NSG1: variants seen among roughly 807,000 people sequenced by gnomAD.
The protein encoded by NSG1 is neuronal vesicle trafficking-associated protein 1.
NSG1 carries 9 observed loss-of-function variants against 19.3 expected under a neutral mutation model. That is an observed-to-expected ratio of 0.47 (90% CI 0.28 to 0.81). The LOEUF (loss-of-function observed/expected upper bound fraction) is 0.81, where lower values mean the gene tolerates loss of function less well. Among genes scored for constraint, NSG1 ranks in the 40% least tolerant of loss-of-function variants. NSG1 has a pLI of 0.11. For synonymous variants in NSG1, 104 were observed against 107.0 expected (o/e 0.97, Z 0.17); for missense variants, 236 against 242.4 (o/e 0.97, Z 0.18).
intron 2 of NSG1, among the ~76,000 whole-genome samples, chr4:4,390,566 AAG>A (rs1434688369): frequency 6.6e-6 from 1 of 152,186 alleles, no homozygotes; most frequent in Admixed American, 6.5e-5. Context: ...TCGGGGGAGA[AAG>A]AGCTTGGAGG....
At chr4:4,411,613 G>C (rs768514174) in intron 4 of NSG1, among the ~76,000 whole-genome samples, 1 of 152,108 alleles carries the variant, frequency 6.6e-6, no homozygotes, top group African/African-American at 2.4e-5. Flanking sequence ...GCATGGTGGC[G>C]GGTGCCTGTA....
chr4:4,398,069 C>G (rs977940706), intron 3 of NSG1, among the ~76,000 whole-genome samples: 4 of 152,182 alleles, frequency 2.6e-5, no homozygotes, highest in Non-Finnish European at 5.9e-5. Flanking sequence ...ATTCTCCTGC[C>G]TCAGCCTCCT....
At chr4:4,394,056 T>C (rs991386404) in intron 3 of NSG1, among the ~76,000 whole-genome samples, 1 of 152,182 alleles carries the variant, frequency 6.6e-6, no homozygotes, top group African/African-American at 2.4e-5. Flanking sequence ...TTAATCTTCA[T>C]AAACACCTCA....
chr4:4,409,325 T>G (rs561974408), intron 3 of NSG1, among the ~76,000 whole-genome samples: 2 of 152,384 alleles, frequency 1.3e-5, no homozygotes, highest in South Asian at 2.1e-4. Flanking sequence ...ATGCAGGACC[T>G]TGGGTACTAA....
intron 3 of NSG1, among the ~76,000 whole-genome samples, chr4:4,407,612 G>A (rs1723937040): frequency 6.6e-6 from 1 of 152,176 alleles, no homozygotes; most frequent in Non-Finnish European, 1.5e-5. Flanking sequence ...CCTGTGGCCA[G>A]GGCTCCCTGC....
In NSG1 at chr4:4,417,831, T is replaced by C. The variant is rs990929988; in HGVS notation, c.*396T>C. 9 of 299,440 alleles carry C rather than the reference T, an allele frequency of 3.0e-5. No individual in the cohort carries two copies. The highest frequency in any genetic ancestry group is 5.1e-5 in the Non-Finnish European group (8 of 156,522). The allele number at this position is 299,440 out of a possible 1,614,324, so 18.5% of individuals were successfully genotyped here. A position where few individuals can be genotyped will look rare whatever the true frequency, so the allele number is the denominator to read the frequency against. On this transcript the variant is annotated 3_prime_UTR_variant, in exon 5 of 5. Transcript: ENST00000621129. ...CCTTCCTCCATAGCCATATCTAGAGTGATCTCTCGCTGTGCTAAGAGCAAG... is the reference window on the plus strand; with the variant it reads ...CCTTCCTCCATAGCCATATCTAGAGCGATCTCTCGCTGTGCTAAGAGCAAG...
At chr4:4,415,715 C>T (rs575455701) in intron 4 of NSG1, 68 of 147,070 alleles carry the variant, frequency 4.6e-4, no homozygotes, top group Non-Finnish European at 8.8e-4. Context: ...CAGCCCTGAG[C>T]GGGGCCGCCA....
chr4:4,404,691 A>G lies in NSG1; in HGVS notation c.247-4882A>G, dbSNP rs146107443. ...ATGTCTGGCTCAGTAACATCATCCA[A>G]TGTTCCAGAATTCTTCTAAGTATCT... On this transcript the variant is annotated intron_variant, in intron 3 of 4. Coordinates refer to ENST00000621129, the MANE Select transcript of NSG1 (RefSeq NM_014392.5). Among the ~76,000 whole-genome samples the G allele has an allele frequency of 2.9e-3, 444 of 152,334 alleles. 3 individuals carry two copies. Among genetic ancestry groups the G allele is most frequent in the African/African-American group, 0.01 (429 of 41,576 alleles).
rs75590657 is a variant in NSG1 at position 4,387,896 on chromosome 4, G to C, written c.129+138G>C. 1,846 of 729,590 alleles carry C rather than the reference G, an allele frequency of 2.5e-3. 26 individuals carry two copies. In the African/African-American group the frequency reaches 0.029, roughly 11 times the overall value. 45.2% of individuals were successfully genotyped at this position (729,590 alleles called of 1,614,324 possible). ...CTCGGGAGGCCGGAGGGAGCGCGGC[G>C]AGGACAGTGTACCCGCGCGGGATTC... On this transcript the variant is annotated intron_variant, in intron 2 of 4. Transcript: ENST00000621129.
chr4:4,396,977 TC>T (rs1301927045), intron 3 of NSG1, among the ~76,000 whole-genome samples: 9 of 151,838 alleles, frequency 5.9e-5, no homozygotes, highest in Non-Finnish European at 1.3e-4. Context: ...GAGCCCACCT[TC>T]CCCAGGCTAG....
intron 3 of NSG1, among the ~76,000 whole-genome samples, chr4:4,409,202 G>A (rs553798951): frequency 2.6e-5 from 4 of 152,338 alleles, no homozygotes; most frequent in African/African-American, 7.2e-5. Context: ...ATGCACCACC[G>A]CCGTGATGGG....
At position 4,418,488 on chromosome 4, in the gene NSG1, A is replaced by ATCTT. The variant is rs1208762207; in HGVS notation, c.*1055_*1058dup. 1.3e-5 allele frequency: 2 copies of ATCTT among 152,756 alleles called. No individual in the cohort carries two copies. Among genetic ancestry groups the ATCTT allele is most frequent in the African/African-American group, 4.8e-5 (2 of 41,574 alleles). The allele number at this position is 152,756 out of a possible 1,614,324, so 9.5% of individuals were successfully genotyped here. On this transcript the variant is annotated 3_prime_UTR_variant, in exon 5 of 5. Transcript: ENST00000621129. The stretch of plus-strand genomic sequence containing the variant: ...ACAAAATGACAAATTTCAACTCACA[A>ATCTT]TCTTTGTAAGAAAATTGTTCCAGTT...
chr4:4,417,084 C>T, intron 4 of NSG1, 151 bp from the exon 5 acceptor site: 1 of 663,236 alleles, frequency 1.5e-6, no homozygotes, highest in South Asian at 1.8e-5. Flanking sequence ...TGTGCTCTCT[C>T]AGGGCAAGAT....
chr4:4,402,392 T>A lies in NSG1; in HGVS notation c.247-7181T>A, dbSNP rs1455800002. ...GGTTATTTTTTTTTTTTTTTTTTTT[T>A]TTTTTTTTTTTTTGAGACGGAGTCT... is the stretch of plus-strand genomic sequence containing the variant. On this transcript the variant is annotated intron_variant, in intron 3 of 4. Transcript: ENST00000621129. Among the ~76,000 whole-genome samples the A allele has an allele frequency of 5.5e-3, 581 of 105,374 alleles. 21 individuals are homozygous for A. The highest frequency in any genetic ancestry group is 0.028 in the African/African-American group (524 of 18,780). The allele number at this position is 105,374 out of a possible 152,430, so 69.1% of individuals were successfully genotyped here.
In NSG1 at chr4:4,409,048, G is replaced by A. The variant is rs539196207; in HGVS notation, c.247-525G>A. ...TTAATTAACCACATGGGAAACCGCC[G>A]AGGGCGAAGGCCAATGGGGCTGCAG... On this transcript the variant is annotated intron_variant, in intron 3 of 4. Coordinates refer to ENST00000621129, the MANE Select transcript of NSG1 (RefSeq NM_014392.5). 5.9e-5 allele frequency among the ~76,000 whole-genome samples: 9 copies of A among 152,372 alleles called. No homozygotes were observed. In the East Asian group the frequency reaches 7.7e-4, roughly 13 times the overall value.
intron 3 of NSG1, 100 bp downstream of exon 3, chr4:4,391,691 TTTGTCTGG>T: frequency 7.0e-6 from 5 of 715,954 alleles, no homozygotes; most frequent in Non-Finnish European, 1.2e-5. Context: ...TTTGACGCCG[TTTGTCTGG>T]GCTCATCCCA....
At chr4:4,405,929 C>CT (rs1381583073) in intron 3 of NSG1, among the ~76,000 whole-genome samples, 2 of 152,164 alleles carry the variant, frequency 1.3e-5, no homozygotes, top group Non-Finnish European at 2.9e-5. Flanking sequence ...AATGGGGGTT[C>CT]TTTTTAAATC....
At chr4:4,389,711 G>C (rs1054168061) in intron 2 of NSG1, among the ~76,000 whole-genome samples, 1 of 152,132 alleles carries the variant, frequency 6.6e-6, no homozygotes, top group African/African-American at 2.4e-5. Context: ...CTGAGGGGTG[G>C]TGACACAGTT....
rs190445524 is a variant in NSG1 at position 4,409,000 on chromosome 4, C to T, written c.247-573C>T. Among the ~76,000 whole-genome samples, 54 of 152,358 alleles carry T rather than the reference C, an allele frequency of 3.5e-4. No homozygotes were observed. In the East Asian group the frequency reaches 9.1e-3, roughly 26 times the overall value. On this transcript the variant is annotated intron_variant, in intron 3 of 4. Coordinates refer to ENST00000621129, the MANE Select transcript of NSG1 (RefSeq NM_014392.5). ...CTCAGCATACCATGGTGAAGAAAAC[C>T]GAATCCCTGTCCCTGAGGACACTTA...
Sources: allele counts gnomAD v4.1 joint callset (sites outside exome capture counted in the v4.1 genomes callset), GRCh38; gene constraint gnomAD v4.1.1; transcripts MANE v1.5; gene names NCBI Gene and HGNC (gene_info 2026-07-23, HGNC 2026-07-21).